Variants in CHD9 observed in about 807,000 individuals in gnomAD.
The protein encoded by CHD9 is ATP-dependent chromatin remodeler CHD9.
CHD9 carries 77 observed loss-of-function variants against 316.1 expected under a neutral mutation model. That is an observed-to-expected ratio of 0.24 (90% CI 0.20 to 0.29). The LOEUF (loss-of-function observed/expected upper bound fraction) is 0.29. CHD9 is among the 10% of genes least tolerant of loss of function. CHD9 has a pLI of 1.00. For missense variants in CHD9, 2,763 were observed against 3,438.1 expected, an observed-to-expected ratio of 0.80 and a Z score of 4.91; for synonymous variants, 1,129 against 1,158.3, an observed-to-expected ratio of 0.97 and a Z score of 0.51.
At chr16:53,074,977 C>A (rs2034401093) in intron 1 of CHD9, among the ~76,000 whole-genome samples, 1 of 152,196 alleles carries the variant, frequency 6.6e-6, no homozygotes, top group Non-Finnish European at 1.5e-5. Flanking sequence ...AAGCCACAGA[C>A]AACACCAGCC....
intron 19 of CHD9, among the ~76,000 whole-genome samples, chr16:53,260,640 G>A (rs996105344): frequency 6.6e-6 from 1 of 152,160 alleles, no homozygotes; most frequent in African/African-American, 2.4e-5. Flanking sequence ...GGTGTCAGAA[G>A]TCTAACATGA....
chr16:53,108,912 A>G (rs943028613), intron 1 of CHD9, among the ~76,000 whole-genome samples: 1 of 152,100 alleles, frequency 6.6e-6, no homozygotes, highest in African/African-American at 2.4e-5. Flanking sequence ...ATAAAATAAA[A>G]TAAAATAAAG....
chr16:53,312,907 T>G (rs12598505), intron 34 of CHD9, among the ~76,000 whole-genome samples: 5 of 152,018 alleles, frequency 3.3e-5, no homozygotes, highest in Non-Finnish European at 7.4e-5. Flanking sequence ...CATTTTTCAT[T>G]ATAAACATGT....
intron 36 of CHD9, among the ~76,000 whole-genome samples, chr16:53,315,956 A>T (rs913556363): frequency 1.3e-5 from 2 of 152,094 alleles, no homozygotes; most frequent in Non-Finnish European, 2.9e-5. Flanking sequence ...TTAATCAAAG[A>T]TGAGGCTGGG....
rs758451360 is a variant in CHD9, at chr16:53,156,287, T to A, written c.198T>A (p.Thr66=). The change falls in exon 2 of 39, where the codon ACT becomes ACA. Residue 66 remains threonine, a synonymous_variant. Coordinates refer to ENST00000447540, the MANE Select transcript of CHD9 (RefSeq NM_001308319.2). The stretch of plus-strand genomic sequence containing the variant: ...GTACTCCAACACATCAGAAGATGAC[T>A]GATTTTGAACAGTTAAATCAATTTG... ...VQGTPTHQKM[T]DFEQLNQFDS... 6.2e-7 allele frequency: 1 copy of A among 1,614,002 alleles called. No individual in the cohort carries two copies. Among genetic ancestry groups the A allele is most frequent in the Admixed American group, 1.7e-5 (1 of 60,028 alleles).
In CHD9 at chr16:53,156,553, G is replaced by A. The variant is rs767818462; in HGVS notation, c.464G>A (p.Ser155Asn). 1.9e-6 allele frequency: 3 copies of A among 1,613,944 alleles called. No individual in the cohort carries two copies. The highest frequency in any genetic ancestry group is 2.5e-6 in the Non-Finnish European group (3 of 1,179,886). Residue 155 changes from serine to asparagine, a missense_variant, in exon 2 of 39, where the codon AGC (serine) becomes AAC (asparagine). Physicochemically the swap from Ser to Asn is conservative, Grantham distance 46 (BLOSUM62 1). Coordinates refer to ENST00000447540, the MANE Select transcript of CHD9 (RefSeq NM_001308319.2). The stretch of plus-strand genomic sequence containing the variant: ...TCACACTCTATGCATCAAAATAAAA[G>A]CTTTGTGGCACACCATGACTTTGCC... ...GHSHSMHQNK[S>N]FVAHHDFALF... is the part of the protein sequence containing the mutation.
At chr16:53,263,177 ATTATGCAG>A in intron 20 of CHD9, 80 bp downstream of exon 20, 1 of 1,035,304 alleles carries the variant, frequency 9.7e-7, no homozygotes, top group Non-Finnish European at 1.4e-6. Flanking sequence ...AAGGTGTTCA[ATTATGCAG>A]TTACTAAAAC....
intron 2 of CHD9, among the ~76,000 whole-genome samples, chr16:53,182,107 A>G (rs368287228): frequency 1.3e-5 from 2 of 152,208 alleles, no homozygotes; most frequent in East Asian, 1.9e-4. Context: ...TGATTAATTA[A>G]GCATGCACAC....
Position 53,324,584 on chromosome 16 carries a change from C to T in CHD9, c.8383C>T (p.Pro2795Ser), listed in dbSNP as rs781314461. The part of the protein sequence containing the change: ...AAAANPLALN[P>S]LLLSNILYPG... ...AGCTGCCAACCCATTAGCTCTTAAC[C>T]CACTATTACTATCTAATATACTTTA... Residue 2795 changes from proline to serine, a missense_variant, in exon 39 of 39, where the codon CCA (proline) becomes TCA (serine). Coordinates refer to ENST00000447540, the MANE Select transcript of CHD9 (RefSeq NM_001308319.2). 3.1e-6 allele frequency: 5 copies of T among 1,613,604 alleles called. No individual in the cohort carries two copies. The highest frequency in any genetic ancestry group is 4.2e-6 in the Non-Finnish European group (5 of 1,179,724).
intron 25 of CHD9, 108 bp from the exon 26 acceptor site, chr16:53,286,118 A>T (rs1160326966): frequency 3.4e-6 from 2 of 588,196 alleles, no homozygotes; most frequent in East Asian, 5.5e-5. Context: ...TTAATGTATT[A>T]TCCCTTTAGT....
chr16:53,289,859 G>A (rs2054183679), intron 27 of CHD9, among the ~76,000 whole-genome samples: 1 of 152,118 alleles, frequency 6.6e-6, no homozygotes, highest in African/African-American at 2.4e-5. Flanking sequence ...CTGTAAATCT[G>A]CCCTGTAAGG....
At chr16:53,151,705 T>C (rs908199810) in intron 1 of CHD9, among the ~76,000 whole-genome samples, 2 of 152,246 alleles carry the variant, frequency 1.3e-5, no homozygotes, top group Non-Finnish European at 2.9e-5. Flanking sequence ...TTTCGGGTAT[T>C]GTACTTTTCA....
intron 2 of CHD9, among the ~76,000 whole-genome samples, chr16:53,174,158 C>T (rs2042956494): frequency 6.6e-6 from 1 of 152,164 alleles, no homozygotes; most frequent in Admixed American, 6.6e-5. Flanking sequence ...GTGGCATGCA[C>T]CTGTAGTCCC....
intron 8 of CHD9, among the ~76,000 whole-genome samples, chr16:53,229,715 C>G (rs1274269479): frequency 3.3e-5 from 5 of 152,090 alleles, no homozygotes; most frequent in Non-Finnish European, 7.4e-5. Flanking sequence ...AACATTTTAC[C>G]ATGTTTGCTT....
intron 1 of CHD9, among the ~76,000 whole-genome samples, chr16:53,105,499 G>A (rs911863991): frequency 6.6e-6 from 1 of 151,960 alleles, no homozygotes; most frequent in African/African-American, 2.4e-5. Flanking sequence ...TCCATTGTAC[G>A]GGTATTCCAT....
chr16:53,319,490 TGTTA>T (rs1314781042), intron 37 of CHD9, among the ~76,000 whole-genome samples: 6 of 152,198 alleles, frequency 3.9e-5, no homozygotes, highest in African/African-American at 1.4e-4. Flanking sequence ...TTTCAGCTTT[TGTTA>T]GTATTTTAAA....
At chr16:53,162,783 CTTT>C (rs1204390530) in intron 2 of CHD9, among the ~76,000 whole-genome samples, 14 of 133,846 alleles carry the variant, frequency 1.0e-4, no homozygotes, top group African/African-American at 8.1e-5. Flanking sequence ...ACATATAAGC[CTTT>C]TTTTTTTTTT....
At chr16:53,205,422 A>G (rs1057506916) in intron 2 of CHD9, among the ~76,000 whole-genome samples, 1 of 152,206 alleles carries the variant, frequency 6.6e-6, no homozygotes, top group African/African-American at 2.4e-5. Flanking sequence ...GAAGAGGAAA[A>G]AAACCAAAAA....
intron 24 of CHD9, among the ~76,000 whole-genome samples, chr16:53,279,387 G>A (rs1269782435): frequency 6.6e-6 from 1 of 152,152 alleles, no homozygotes; most frequent in Non-Finnish European, 1.5e-5. Flanking sequence ...GGGAGGGATA[G>A]CATTAGGAGA....
Sources: allele counts gnomAD v4.1 joint callset (sites outside exome capture counted in the v4.1 genomes callset), GRCh38; gene constraint gnomAD v4.1.1; transcripts MANE v1.5; gene names NCBI Gene and HGNC (gene_info 2026-07-23, HGNC 2026-07-21).